Variants in SUGCT observed in about 807,000 individuals in gnomAD.
SUGCT encodes the protein succinyl-CoA:glutarate CoA-transferase.
In SUGCT, 41 loss-of-function variants were observed where a neutral mutation model predicts 55.0. The ratio of observed to expected loss-of-function variants is 0.74; its 90% CI spans 0.58 to 0.97. The LOEUF (loss-of-function observed/expected upper bound fraction) is 0.97. Among genes scored for constraint, SUGCT ranks in the 50% least tolerant of loss-of-function variants. SUGCT has a pLI of 0.00. For missense variants in SUGCT, 568 were observed against 547.8 expected (o/e 1.04, Z -0.37); for synonymous variants, 187 against 200.4 (o/e 0.93, Z 0.56).
At chr7:40,870,638 T>C in the SUGCT span, among the ~76,000 whole-genome samples, 2 of 152,244 alleles carry the variant, frequency 1.3e-5, no homozygotes, top group African/African-American at 2.4e-5. Context: ...TATTCTGTTT[T>C]TCATTATAGT....
At chr7:40,306,049 T>C (rs1794837597) in intron 8 of SUGCT, among the ~76,000 whole-genome samples, 1 of 152,144 alleles carries the variant, frequency 6.6e-6, no homozygotes, top group African/African-American at 2.4e-5. Flanking sequence ...GTCTGGTATC[T>C]CTCCTCTCCT....
the SUGCT span, among the ~76,000 whole-genome samples, chr7:40,921,617 A>G: frequency 1.3e-5 from 2 of 152,258 alleles, no homozygotes; most frequent in Admixed American, 6.5e-5. Flanking sequence ...GTGGCAAAGA[A>G]GAGCCCAGTA....
chr7:40,591,374 G>A (rs1224495195), intron 12 of SUGCT, among the ~76,000 whole-genome samples: 2 of 152,202 alleles, frequency 1.3e-5, no homozygotes, highest in Non-Finnish European at 2.9e-5. Context: ...ATGGTCAAAC[G>A]TGAATGGATG....
chr7:40,910,297 GAAGA>G, the SUGCT span, among the ~76,000 whole-genome samples: 4 of 151,994 alleles, frequency 2.6e-5, no homozygotes, highest in African/African-American at 9.7e-5. Flanking sequence ...GGTCAAAATA[GAAGA>G]AAGATGGCAA....
chr7:40,599,243 G>T (rs138765875), intron 12 of SUGCT, among the ~76,000 whole-genome samples: 1 of 152,090 alleles, frequency 6.6e-6, no homozygotes, highest in East Asian at 1.9e-4. Flanking sequence ...GTTGGGAGAG[G>T]GTTTCTCAGA....
intron 12 of SUGCT, among the ~76,000 whole-genome samples, chr7:40,659,054 G>A (rs1211358222): frequency 6.6e-6 from 1 of 152,182 alleles, no homozygotes; most frequent in East Asian, 1.9e-4. Flanking sequence ...TCTGGGAGCA[G>A]TCACTAGTCT....
the SUGCT span, among the ~76,000 whole-genome samples, chr7:40,928,622 C>T: frequency 1.0e-4 from 15 of 145,778 alleles, no homozygotes; most frequent in Admixed American, 2.0e-4. Flanking sequence ...TTTTTTGAGA[C>T]GGAGTCTTGC....
the SUGCT span, among the ~76,000 whole-genome samples, chr7:41,001,785 G>C: frequency 3.3e-5 from 5 of 152,262 alleles, no homozygotes; most frequent in East Asian, 9.7e-4. Context: ...TCACATTGGT[G>C]GTGAGGATTT....
Position 40,496,343 on chromosome 7 carries a change from A to G in SUGCT, c.1046A>G (p.Tyr349Cys), listed in dbSNP as rs780430406. 3 of 1,613,320 alleles carry G rather than the reference A, an allele frequency of 1.9e-6. No individual in the cohort carries two copies. Among genetic ancestry groups the G allele is most frequent in the South Asian group, 2.2e-5 (2 of 90,952 alleles). ...CTTTTTGAAGGCAGTGGAGTCCCGT[A>G]TGGCCCAATCAACAACATGAAGAAT... is the stretch of plus-strand genomic sequence containing the variant. ...LYLFEGSGVP[Y>C]GPINNMKNVF... Residue 349 changes from tyrosine (Y) to cysteine (C), a missense_variant, in exon 12 of 14, where the codon TAT becomes TGT. Coordinates refer to ENST00000335693, the MANE Select transcript of SUGCT (RefSeq NM_001193313.2).
downstream of SUGCT, among the ~76,000 whole-genome samples, chr7:40,863,561 C>T (rs1794531341): frequency 6.6e-6 from 1 of 152,194 alleles, no homozygotes; most frequent in Non-Finnish European, 1.5e-5. Flanking sequence ...CTATGCAGAT[C>T]TTCAGCCCCT....
chr7:40,838,037 C>T (rs1793081360), intron 13 of SUGCT, among the ~76,000 whole-genome samples: 2 of 152,170 alleles, frequency 1.3e-5, no homozygotes, highest in African/African-American at 4.8e-5. Context: ...CGCCTTTGCA[C>T]CTCTGCTAAA....
At chr7:40,183,399 G>A (rs558344644) in intron 3 of SUGCT, among the ~76,000 whole-genome samples, 4 of 152,280 alleles carry the variant, frequency 2.6e-5, no homozygotes, top group Non-Finnish European at 5.9e-5. Context: ...GAGTACAGTG[G>A]TGTGATCATA....
intron 9 of SUGCT, among the ~76,000 whole-genome samples, chr7:40,351,202 A>G (rs1323788767): frequency 6.6e-6 from 1 of 152,024 alleles, no homozygotes; most frequent in Non-Finnish European, 1.5e-5. Flanking sequence ...TGTTTTGACT[A>G]GTCTTTCTCA....
chr7:40,656,347 T>C (rs1411561570), intron 12 of SUGCT, among the ~76,000 whole-genome samples: 1 of 152,060 alleles, frequency 6.6e-6, no homozygotes, highest in Admixed American at 6.5e-5. Context: ...TTTGCCTTAC[T>C]TAAGCAACAA....
At chr7:40,519,116 C>G (rs1257585333) in intron 12 of SUGCT, among the ~76,000 whole-genome samples, 1 of 152,012 alleles carries the variant, frequency 6.6e-6, no homozygotes, top group African/African-American at 2.4e-5. Context: ...AGTCCATAAC[C>G]TCAATCTAAT....
chr7:40,817,537 C>T (rs1414869052), intron 13 of SUGCT, among the ~76,000 whole-genome samples: 1 of 152,134 alleles, frequency 6.6e-6, no homozygotes, highest in Non-Finnish European at 1.5e-5. Context: ...GGAAGGAATA[C>T]AAGACAAAGA....
At chr7:40,324,137 G>A (rs1478689510) in intron 9 of SUGCT, among the ~76,000 whole-genome samples, 1 of 151,296 alleles carries the variant, frequency 6.6e-6, no homozygotes, top group Non-Finnish European at 1.5e-5. Flanking sequence ...GAGAGGAAGC[G>A]TCCCTTTCCA....
intron 12 of SUGCT, among the ~76,000 whole-genome samples, chr7:40,630,069 G>A (rs73689833): frequency 2.7e-4 from 41 of 152,272 alleles, no homozygotes; most frequent in African/African-American, 9.4e-4. Context: ...TTATACTAAG[G>A]CATGGAACAC....
chr7:40,662,317 C>T (rs1006147846), intron 12 of SUGCT, among the ~76,000 whole-genome samples: 3 of 152,220 alleles, frequency 2.0e-5, no homozygotes, highest in African/African-American at 7.2e-5. Flanking sequence ...TCACTCGTCT[C>T]CTCACATCCT....
Sources: gnomAD v4.1 joint callset for allele counts (sites outside exome capture counted in the v4.1 genomes callset) on GRCh38, gnomAD v4.1.1 for gene constraint, MANE v1.5 for transcripts, NCBI Gene and HGNC (gene_info 2026-07-23, HGNC 2026-07-21) for gene names.